USP6NL: variants seen among roughly 807,000 people sequenced by gnomAD.
USP6NL encodes the protein USP6 N-terminal-like protein.
USP6NL carries 26 observed loss-of-function variants against 61.9 expected under a neutral mutation model. That is an observed-to-expected ratio of 0.42 (90% CI 0.31 to 0.58). USP6NL has a LOEUF of 0.58. USP6NL is among the 20% of genes least tolerant of loss of function. The probability of loss-of-function intolerance (pLI) is 0.16; values close to 1 mark genes in which losing one functional copy is unlikely to be tolerated. For synonymous variants in USP6NL, 432 were observed against 390.1 expected (o/e 1.11, Z -1.27); for missense variants, 1,114 against 1,034.3 (o/e 1.08, Z -1.06).
At chr10:11,586,562 T>C (rs1210538371) in intron 2 of USP6NL, among the ~76,000 whole-genome samples, 2 of 152,196 alleles carry the variant, frequency 1.3e-5, no homozygotes, top group African/African-American at 2.4e-5. Flanking sequence ...AATGTGATTA[T>C]ATAAAAATAT....
rs781710601 is a variant in USP6NL at position 11,498,678 on chromosome 10, C to T, written c.384+2423G>A. ...AAAGTAGGTACTTTATTTTAAAATA[C>T]GGCAATATGAAGCTTCAAGTTAAAA... is the stretch of plus-strand genomic sequence containing the variant. On this transcript the variant is annotated intron_variant, in intron 7 of 14. Coordinates refer to ENST00000609104, the MANE Select transcript of USP6NL (RefSeq NM_014688.5). Among the ~76,000 whole-genome samples the T allele has an allele frequency of 2.0e-5, 3 of 152,162 alleles. No homozygotes were observed. The Middle Eastern group carries it at 0.01, about 518-fold the overall frequency.
rs1464765675 is a variant in USP6NL at position 11,491,986 on chromosome 10, A to C, written c.495-1106T>G. Reference sequence around the variant, plus strand: ...TTGTAAATGTGCTTGTATATATACCAACAAATATTTTCTTCTTCCCTCTCT... The same window carrying C: ...TTGTAAATGTGCTTGTATATATACCCACAAATATTTTCTTCTTCCCTCTCT... On this transcript the variant is annotated intron_variant, in intron 8 of 14. Coordinates refer to ENST00000609104, the MANE Select transcript of USP6NL (RefSeq NM_014688.5). This position sits in a 1 kb window ranked among gnomAD's most constrained non-coding sequence, Gnocchi z 4.7. 6.6e-6 allele frequency among the ~76,000 whole-genome samples: 1 copy of C among 152,238 alleles called. No individual in the cohort carries two copies. Among genetic ancestry groups the C allele is most frequent in the Non-Finnish European group, 1.5e-5 (1 of 68,048 alleles).
In USP6NL at chr10:11,474,827, AT is replaced by A. The variant is rs1832899611; in HGVS notation, c.1078+6942del. ...ATAGAAGACTCAGTTTGCTGTTATC[AT>A]TACTACTATGTGACTCAAAAGCGGC... On this transcript the variant is annotated intron_variant, in intron 14 of 14. Transcript: ENST00000609104. This position sits in a 1 kb window ranked among gnomAD's most constrained non-coding sequence, Gnocchi z 4.9. 6.6e-6 allele frequency among the ~76,000 whole-genome samples: 1 copy of A among 151,806 alleles called. No homozygotes were observed. The highest frequency in any genetic ancestry group is 2.4e-5 in the African/African-American group (1 of 41,336).
Position 11,490,695 on chromosome 10 carries a change from A to T in USP6NL, c.543+137T>A. 1.2e-6 allele frequency: 1 copy of T among 859,582 alleles called. No homozygotes were observed. The highest frequency in any genetic ancestry group is 1.7e-5 in the South Asian group (1 of 57,370). The allele number at this position is 859,582 out of a possible 1,614,324, so 53.2% of individuals were successfully genotyped here. A position where few individuals can be genotyped will look rare whatever the true frequency, so the allele number is the denominator to read the frequency against. On this transcript the variant is annotated intron_variant, in intron 9 of 14. Transcript: ENST00000609104. The surrounding 1 kb of genome is among the most constrained non-coding windows in gnomAD (Gnocchi z 4.5). ...TAGGGTTATCACAGGGTTTCAGCTTAAAAAGATCCACAGAGCTAAAGAGAC... is the reference window on the plus strand; with the variant it reads ...TAGGGTTATCACAGGGTTTCAGCTTTAAAAGATCCACAGAGCTAAAGAGAC...
chr10:11,494,091 G>A (rs565539718), intron 7 of USP6NL, among the ~76,000 whole-genome samples: 1 of 152,304 alleles, frequency 6.6e-6, no homozygotes, highest in South Asian at 2.1e-4. Context: ...TTGAAACTTT[G>A]AATATCTGAT....
In USP6NL at chr10:11,575,090, T is replaced by G. The variant is rs1837494548; in HGVS notation, c.4+22541A>C. 6.6e-6 allele frequency among the ~76,000 whole-genome samples: 1 copy of G among 152,204 alleles called. No homozygotes were observed. The highest frequency in any genetic ancestry group is 1.5e-5 in the Non-Finnish European group (1 of 68,030). On this transcript the variant is annotated intron_variant, in intron 2 of 14. Coordinates refer to ENST00000609104, the MANE Select transcript of USP6NL (RefSeq NM_014688.5). The surrounding 1 kb of genome is among the most constrained non-coding windows in gnomAD (Gnocchi z 4.2). ...AGAGGACAAAAGAGGACCACTCTCC[T>G]AATTCCCTATTATCTTTAAAGAATA... is the stretch of plus-strand genomic sequence containing the variant.
rs1235659425 is a variant in USP6NL, at chr10:11,518,092, G to T, written c.195+443C>A. Among the ~76,000 whole-genome samples the T allele has an allele frequency of 2.6e-5, 4 of 152,190 alleles. No individual in the cohort carries two copies. The highest frequency in any genetic ancestry group is 5.9e-5 in the Non-Finnish European group (4 of 68,022). On this transcript the variant is annotated intron_variant, in intron 5 of 14. Transcript: ENST00000609104. This position sits in a 1 kb window ranked among gnomAD's most constrained non-coding sequence, Gnocchi z 5.3. ...CCCACAGAAAACGATTTTGGTTGTT[G>T]TAAGAAATTTACTAAAATCTCCTGG... is the stretch of plus-strand genomic sequence containing the variant.
At chr10:11,466,894 A>G (rs1202334196) in intron 14 of USP6NL, among the ~76,000 whole-genome samples, 1 of 152,144 alleles carries the variant, frequency 6.6e-6, no homozygotes, top group Non-Finnish European at 1.5e-5. Flanking sequence ...AAAATACGCT[A>G]TTTTCGGCTC....
rs1836981925 is a variant in USP6NL, at chr10:11,562,480, G to T, written c.5-34913C>A. ...ACGTATCTCTGAGGACAAGGATTAAGTGTGGCTGAGGAGAAACGTGAAAAG... is the reference window on the plus strand; with the variant it reads ...ACGTATCTCTGAGGACAAGGATTAATTGTGGCTGAGGAGAAACGTGAAAAG... On this transcript the variant is annotated intron_variant, in intron 2 of 14. Transcript: ENST00000609104. The surrounding 1 kb of genome is among the most constrained non-coding windows in gnomAD (Gnocchi z 4.8). The T allele has an allele frequency of 1.0e-6, 1 of 985,416 alleles. No homozygotes were observed. Among genetic ancestry groups the T allele is most frequent in the East Asian group, 1.1e-4 (1 of 8,820 alleles). 61.0% of individuals were successfully genotyped at this position (985,416 alleles called of 1,614,324 possible). A position where few individuals can be genotyped will look rare whatever the true frequency, so the allele number is the denominator to read the frequency against.
intron 7 of USP6NL, among the ~76,000 whole-genome samples, chr10:11,494,277 T>C (rs1044317492): frequency 1.3e-5 from 2 of 152,222 alleles, no homozygotes; most frequent in Non-Finnish European, 2.9e-5. Flanking sequence ...CTCCATGTAT[T>C]GAAACTTCAC....
chr10:11,481,782 G>A lies in USP6NL; in HGVS notation c.1066C>T (p.Leu356Phe). 6.2e-7 allele frequency: 1 copy of A among 1,609,670 alleles called. No homozygotes were observed. Among genetic ancestry groups the A allele is most frequent in the Non-Finnish European group, 8.5e-7 (1 of 1,178,594 alleles). The change falls in exon 14 of 15, where the codon CTT (leucine) becomes TTT (phenylalanine). Residue 356 changes from leucine (L) to phenylalanine (F), a missense_variant. Coordinates refer to ENST00000609104, the MANE Select transcript of USP6NL (RefSeq NM_014688.5). The surrounding 1 kb of genome is among the most constrained non-coding windows in gnomAD (Gnocchi z 4.4). ...MTELKRAKLD[L>F]PEPGKEDEYP... ...GGGTAATTCTTACCAGGTTCTGGAA[G>A]GTCTAACTTTGCCCGCTTTAGTTCT...
intron 2 of USP6NL, among the ~76,000 whole-genome samples, chr10:11,594,239 C>T (rs1325845168): frequency 1.3e-5 from 2 of 152,042 alleles, no homozygotes; most frequent in Non-Finnish European, 2.9e-5. Flanking sequence ...TACTAAGGAA[C>T]AATTTCTTTC....
intron 2 of USP6NL, among the ~76,000 whole-genome samples, chr10:11,551,493 G>A (rs1411611483): frequency 6.6e-6 from 1 of 152,180 alleles, no homozygotes; most frequent in Non-Finnish European, 1.5e-5. Flanking sequence ...CTAATTGGTG[G>A]CTCAATAAAG....
In USP6NL at chr10:11,532,191, A is replaced by T. The variant is rs754969313; in HGVS notation, c.5-4624T>A. Reference sequence around the variant, plus strand: ...AAAGTACTTTACCCTTTGTGAGATAATCAGTCTGGCCTTGGGAATTAACAA... The same window carrying T: ...AAAGTACTTTACCCTTTGTGAGATATTCAGTCTGGCCTTGGGAATTAACAA... On this transcript the variant is annotated intron_variant, in intron 2 of 14. Coordinates refer to ENST00000609104, the MANE Select transcript of USP6NL (RefSeq NM_014688.5). This position sits in a 1 kb window ranked among gnomAD's most constrained non-coding sequence, Gnocchi z 4.1. The T allele has an allele frequency of 2.5e-6, 4 of 1,599,700 alleles. No homozygotes were observed. Among genetic ancestry groups the T allele is most frequent in the Middle Eastern group, 1.7e-4 (1 of 6,038 alleles).
rs1174295580 is a variant in USP6NL at position 11,574,029 on chromosome 10, T to C, written c.4+23602A>G. ...AAATCACTAAGCAAAGTGAAAACAT[T>C]TTCTCACAAAAGCCATGACAGAAAA... On this transcript the variant is annotated intron_variant, in intron 2 of 14. Coordinates refer to ENST00000609104, the MANE Select transcript of USP6NL (RefSeq NM_014688.5). This position sits in a 1 kb window ranked among gnomAD's most constrained non-coding sequence, Gnocchi z 4.3. 1.3e-5 allele frequency among the ~76,000 whole-genome samples: 2 copies of C among 152,180 alleles called. No homozygotes were observed. The highest frequency in any genetic ancestry group is 2.1e-4 in the South Asian group (1 of 4,834).
chr10:11,515,789 T>C (rs889101030), intron 5 of USP6NL, among the ~76,000 whole-genome samples: 2 of 152,158 alleles, frequency 1.3e-5, no homozygotes, highest in African/African-American at 4.8e-5. Context: ...CAGGCATGCC[T>C]AGACCTCACC....
At position 11,463,564 on chromosome 10, in the gene USP6NL, G is replaced by C. The variant is rs772387016; in HGVS notation, c.1364C>G (p.Ser455Trp). 1.1e-5 allele frequency: 18 copies of C among 1,613,906 alleles called. No individual in the cohort carries two copies. Among genetic ancestry groups the C allele is most frequent in the East Asian group, 2.2e-5 (1 of 44,896 alleles). ...DEADFQRKLP[S>W]GPQDSSRQYN... ...TTGCCTGGAACTGTCCTGTGGACCC[G>C]ATGGGAGTTTTCTTTGAAAATCTGC... The change falls in exon 15 of 15, where the codon TCG becomes TGG. Residue 455 changes from serine to tryptophan, a missense_variant. Ser to Trp is a radical substitution (Grantham distance 177, BLOSUM62 -3). Transcript: ENST00000609104. This position sits in a 1 kb window ranked among gnomAD's most constrained non-coding sequence, Gnocchi z 6.3.
intron 2 of USP6NL, among the ~76,000 whole-genome samples, chr10:11,577,757 C>A (rs907884250): frequency 6.6e-6 from 1 of 150,854 alleles, no homozygotes; most frequent in African/African-American, 2.4e-5. Flanking sequence ...TGCCTCGGCC[C>A]CCCAAAGTAC....
chr10:11,488,149 C>T (rs905676782), intron 10 of USP6NL, among the ~76,000 whole-genome samples: 5 of 152,168 alleles, frequency 3.3e-5, no homozygotes, highest in African/African-American at 1.2e-4. Flanking sequence ...CTGTGGCTCA[C>T]ACCTGTAATC....
Sources: allele counts gnomAD v4.1 joint callset (sites outside exome capture counted in the v4.1 genomes callset), GRCh38; gene constraint gnomAD v4.1.1; non-coding constraint Gnocchi (gnomAD v3.1); transcripts MANE v1.5; gene names NCBI Gene and HGNC (gene_info 2026-07-23, HGNC 2026-07-21).